The following AGBL1 variants were observed in gnomAD, a reference collection of about 807,000 sequenced individuals.
The protein encoded by AGBL1 is cytosolic carboxypeptidase 4.
AGBL1 carries 130 observed loss-of-function variants against 118.9 expected under a neutral mutation model. That is an observed-to-expected ratio of 1.09 (90% CI 0.95 to 1.26). AGBL1 has a LOEUF of 1.26. Ranked by LOEUF, AGBL1 falls within the 50% of genes most tolerant of loss-of-function variation. The probability of loss-of-function intolerance (pLI) is 0.00; values close to 1 mark genes in which losing one functional copy is unlikely to be tolerated. For missense variants in AGBL1, 1,584 were observed against 1,298.1 expected (o/e 1.22, Z -3.38); for synonymous variants, 555 against 478.9 (o/e 1.16, Z -2.08).
chr15:86,318,696 ATTTTTT>A (rs57988335), intron 17 of AGBL1, among the ~76,000 whole-genome samples: 25 of 81,982 alleles, frequency 3.0e-4, no homozygotes, highest in South Asian at 1.9e-3. Flanking sequence ...TTGATCATAG[ATTTTTT>A]TTTTTTTTTT....
At position 86,232,883 on chromosome 15, in the gene AGBL1, G is replaced by A. The variant is rs113396394; in HGVS notation, c.526+7932G>A. 4.0e-3 allele frequency among the ~76,000 whole-genome samples: 606 copies of A among 152,288 alleles called. 2 individuals carry two copies. Among genetic ancestry groups the A allele is most frequent in the African/African-American group, 0.014 (588 of 41,558 alleles). On this transcript the variant is annotated intron_variant, in intron 6 of 22. Transcript: ENST00000614907. Reference sequence around the variant, plus strand: ...GAACCTTTTACTGCCAGCCCTCAGCGAAGTGGGAAGGAGGGTAGGGAGTAG... The same window carrying A: ...GAACCTTTTACTGCCAGCCCTCAGCAAAGTGGGAAGGAGGGTAGGGAGTAG...
At chr15:86,988,124 G>C in intron 24 of AGBL1, 2 of 1,603,594 alleles carry the variant, frequency 1.2e-6, no homozygotes, top group East Asian at 4.5e-5. Flanking sequence ...ACATTGCTTG[G>C]GGCGGGGATT....
intron 22 of AGBL1, among the ~76,000 whole-genome samples, chr15:86,864,574 C>A (rs1290402773): frequency 6.6e-6 from 1 of 152,104 alleles, no homozygotes; most frequent in Non-Finnish European, 1.5e-5. Context: ...AGCTTGCCTT[C>A]ATACTACTCT....
At chr15:86,385,930 C>A (rs1173402266) in intron 17 of AGBL1, among the ~76,000 whole-genome samples, 2 of 109,072 alleles carry the variant, frequency 1.8e-5, no homozygotes, top group South Asian at 3.8e-4. Flanking sequence ...TCCTCCTCCC[C>A]CTCCCCTCCT....
intron 17 of AGBL1, among the ~76,000 whole-genome samples, chr15:86,388,239 A>G (rs1460395651): frequency 6.6e-6 from 1 of 151,864 alleles, no homozygotes; most frequent in African/African-American, 2.4e-5. Context: ...TGCACTTTCT[A>G]TTTTCTTCTG....
chr15:86,552,894 T>C (rs2083683229), intron 20 of AGBL1, among the ~76,000 whole-genome samples: 1 of 151,976 alleles, frequency 6.6e-6, no homozygotes, highest in Non-Finnish European at 1.5e-5. Context: ...AATTTAGAGA[T>C]CATAGTGAAT....
chr15:86,565,325 C>G (rs1256885144), intron 21 of AGBL1, among the ~76,000 whole-genome samples: 1 of 152,178 alleles, frequency 6.6e-6, no homozygotes, highest in Admixed American at 6.5e-5. Context: ...GATATCCTTT[C>G]TGTTTGTTAG....
chr15:86,410,807 G>GATATATATATATATATATATATATATAT (rs36127489), intron 18 of AGBL1, among the ~76,000 whole-genome samples: 2 of 40,362 alleles, frequency 5.0e-5, no homozygotes, highest in African/African-American at 1.0e-4. Context: ...GTCAAATGTA[G>GATATATATATATATATATATATATATAT]ATATATATAT....
At chr15:86,173,504 T>C (rs2141761334) in intron 5 of AGBL1, among the ~76,000 whole-genome samples, 1 of 152,256 alleles carries the variant, frequency 6.6e-6, no homozygotes, top group African/African-American at 2.4e-5. Flanking sequence ...ATCTTAGCCA[T>C]AAAATCTTTA....
intron 18 of AGBL1, among the ~76,000 whole-genome samples, chr15:86,462,027 T>G (rs1366595381): frequency 6.6e-6 from 1 of 152,174 alleles, no homozygotes. Flanking sequence ...CTTTGACAAT[T>G]ACTTACAAAC....
intron 22 of AGBL1, among the ~76,000 whole-genome samples, chr15:86,678,465 T>C (rs2085889466): frequency 6.6e-6 from 1 of 152,272 alleles, no homozygotes; most frequent in South Asian, 2.1e-4. Context: ...CACGTCTTTG[T>C]GCATTATTCT....
At chr15:86,713,997 T>C (rs921586589) in intron 22 of AGBL1, among the ~76,000 whole-genome samples, 9 of 152,192 alleles carry the variant, frequency 5.9e-5, no homozygotes, top group Non-Finnish European at 1.2e-4. Flanking sequence ...GCTGAAAGCA[T>C]AGGCAACAGG....
intron 22 of AGBL1, among the ~76,000 whole-genome samples, chr15:86,767,622 T>C (rs985227092): frequency 1.1e-4 from 16 of 151,968 alleles, no homozygotes; most frequent in African/African-American, 3.9e-4. Flanking sequence ...TCATTTGACT[T>C]ATTTCTTTCA....
At chr15:86,986,562 AG>A (rs2141732284) in intron 23 of AGBL1, among the ~76,000 whole-genome samples, 2 of 152,152 alleles carry the variant, frequency 1.3e-5, no homozygotes, top group East Asian at 3.9e-4. Context: ...GAGGAGGAGG[AG>A]GAGGAAAAAG....
chr15:86,566,687 G>A (rs2083921005), intron 21 of AGBL1, among the ~76,000 whole-genome samples: 2 of 152,110 alleles, frequency 1.3e-5, no homozygotes, highest in South Asian at 2.1e-4. Context: ...GTCCTGAGCT[G>A]CAGAATTGCC....
chr15:86,211,935 A>C lies in AGBL1; in HGVS notation c.489-12979A>C, dbSNP rs577557274. 6.6e-5 allele frequency among the ~76,000 whole-genome samples: 10 copies of C among 152,222 alleles called. No homozygotes were observed. In the South Asian group the frequency reaches 2.1e-3, roughly 32 times the overall value. ...GTCTTCTGTGTTGTTCACGCTGGGAACTGCAGACTAGAGCTGTTCCTATTC... is the reference window on the plus strand; with the variant it reads ...GTCTTCTGTGTTGTTCACGCTGGGACCTGCAGACTAGAGCTGTTCCTATTC... On this transcript the variant is annotated intron_variant, in intron 5 of 22. Transcript: ENST00000614907.
chr15:87,028,857 T>A, exon 25 of AGBL1: 1 of 1,600,416 alleles, frequency 6.2e-7, no homozygotes, highest in South Asian at 1.1e-5. Context: ...TCCCTTCAAA[T>A]GAGCAAGTAT....
chr15:86,492,806 C>T (rs1174883287), intron 18 of AGBL1, among the ~76,000 whole-genome samples: 1 of 152,002 alleles, frequency 6.6e-6, no homozygotes, highest in Non-Finnish European at 1.5e-5. Context: ...GAGGTAGAAG[C>T]TTGAAGTAGT....
intron 1 of AGBL1, among the ~76,000 whole-genome samples, chr15:86,128,241 G>A (rs1399199256): frequency 2.0e-5 from 3 of 152,066 alleles, no homozygotes; most frequent in Non-Finnish European, 4.4e-5. Flanking sequence ...GAGAAGGAAA[G>A]GCGGCAGGCA....
Sources: allele counts gnomAD v4.1 joint callset (sites outside exome capture counted in the v4.1 genomes callset), GRCh38; gene constraint gnomAD v4.1.1; transcripts MANE v1.5; gene names NCBI Gene and HGNC (gene_info 2026-07-23, HGNC 2026-07-21).